The following SLC7A2 variants were observed in gnomAD, a reference collection of about 807,000 sequenced individuals.
The protein encoded by SLC7A2 is solute carrier family 7 member 2, also known as cationic amino acid transporter 2.
SLC7A2 carries 48 observed loss-of-function variants against 58.9 expected under a neutral mutation model. The observed-to-expected ratio is 0.82, with a 90% CI of 0.65 to 1.04. SLC7A2 has a LOEUF of 1.04. SLC7A2 is among the 50% of genes least tolerant of loss of function. The probability of loss-of-function intolerance (pLI) is 0.00; values close to 1 mark genes in which losing one functional copy is unlikely to be tolerated. For synonymous variants in SLC7A2, 363 were observed against 314.5 expected (o/e 1.15, Z -1.63); for missense variants, 1,029 against 818.8 (o/e 1.26, Z -3.13).
At chr8:17,526,481 A>G (rs1327505301) in intron 2 of SLC7A2, among the ~76,000 whole-genome samples, 1 of 151,366 alleles carries the variant, frequency 6.6e-6, no homozygotes, top group Non-Finnish European at 1.5e-5. Context: ...AGTTGGTGAG[A>G]GAGAACCTCA....
rs959188954 is a variant in SLC7A2, at chr8:17,567,701, A to G, written c.*2555A>G. ...AAAAATTGATGTTTGATGTTGATAG[A>G]TATGCTTATACCTAATTTTTAGTTT... On this transcript the variant is annotated 3_prime_UTR_variant, in exon 13 of 13. Coordinates refer to ENST00000494857, the MANE Select transcript of SLC7A2 (RefSeq NM_001370338.1). 3 of 152,406 alleles carry G rather than the reference A, an allele frequency of 2.0e-5. No individual in the cohort carries two copies. The highest frequency in any genetic ancestry group is 4.4e-5 in the Non-Finnish European group (3 of 68,046). 9.4% of individuals were successfully genotyped at this position (152,406 alleles called of 1,614,324 possible).
chr8:17,521,733 C>T (rs775184116), intron 2 of SLC7A2, among the ~76,000 whole-genome samples: 4 of 152,172 alleles, frequency 2.6e-5, no homozygotes, highest in East Asian at 1.9e-4. Flanking sequence ...TCTCAAGAGC[C>T]GAAGCCTTGA....
intron 2 of SLC7A2, among the ~76,000 whole-genome samples, chr8:17,526,918 G>C (rs1801243892): frequency 6.6e-6 from 1 of 152,142 alleles, no homozygotes; most frequent in Non-Finnish European, 1.5e-5. Flanking sequence ...GTGATAACCT[G>C]GGGATAAGTT....
upstream of SLC7A2, among the ~76,000 whole-genome samples, chr8:17,495,389 C>A (rs888108735): frequency 6.6e-6 from 1 of 152,182 alleles, no homozygotes; most frequent in African/African-American, 2.4e-5. Flanking sequence ...AAAGTCCACA[C>A]GCATCATTTC....
rs1256951525 is a variant in SLC7A2, at chr8:17,543,528, C to T, written c.189C>T (p.Asp63=). Residue 63 remains aspartate, a synonymous_variant, in exon 3 of 13, where the codon GAC becomes GAT. Coordinates refer to ENST00000494857, the MANE Select transcript of SLC7A2 (RefSeq NM_001370338.1). ...YVLAGEVAKA[D]SGPSIVVSFL... ...TCGCTGGGGAGGTGGCCAAGGCAGACTCGGGCCCCAGCATCGTGGTGTCCT... is the reference window on the plus strand; with the variant it reads ...TCGCTGGGGAGGTGGCCAAGGCAGATTCGGGCCCCAGCATCGTGGTGTCCT... 7 of 1,613,314 alleles carry T rather than the reference C, an allele frequency of 4.3e-6. No homozygotes were observed. Among genetic ancestry groups the T allele is most frequent in the African/African-American group, 1.3e-5 (1 of 74,886 alleles).
intron 4 of SLC7A2, 25 bp from the exon 5 acceptor site, chr8:17,548,653 A>C (rs1802291579): frequency 6.4e-7 from 1 of 1,570,910 alleles, no homozygotes; most frequent in East Asian, 2.3e-5. Context: ...AGCTAAATAA[A>C]AATTGAAATG....
intron 8 of SLC7A2, 160 bp downstream of exon 8, chr8:17,554,859 T>C (rs1802617751): frequency 1.3e-6 from 2 of 1,494,860 alleles, no homozygotes; most frequent in Non-Finnish European, 1.8e-6. Context: ...TTCTGCATTT[T>C]CGTGTGTCCA....
chr8:17,545,403 CT>C (rs386412194), intron 4 of SLC7A2, among the ~76,000 whole-genome samples: 8,070 of 64,486 alleles, frequency 0.13, 90 homozygotes, highest in African/African-American at 0.16. Flanking sequence ...TGAACATTTT[CT>C]TTTTTTTTTT....
intron 9 of SLC7A2, 38 bp from the exon 10 acceptor site, chr8:17,560,290 A>C: frequency 3.3e-6 from 5 of 1,523,876 alleles, no homozygotes; most frequent in Non-Finnish European, 4.6e-6. Context: ...CCAAATGTCT[A>C]TTTGAGAATA....
At position 17,563,583 on chromosome 8, in the gene SLC7A2, A is replaced by C. The variant is rs1803123083; in HGVS notation, c.1672-20A>C. 3 of 1,457,872 alleles carry C rather than the reference A, an allele frequency of 2.1e-6. No individual in the cohort carries two copies. Among genetic ancestry groups the C allele is most frequent in the South Asian group, 2.3e-5 (2 of 85,602 alleles). The allele number at this position is 1,457,872 out of a possible 1,614,324, so 90.3% of individuals were successfully genotyped here. ...GCTTCAAAATATGAGTATGTTCAAA[A>C]GGATTGTTTTCCCCCTCAGGTTCCA... On this transcript the variant is annotated intron_variant, in intron 11 of 12. Transcript: ENST00000494857.
chr8:17,514,294 G>T (rs919513201), intron 2 of SLC7A2, among the ~76,000 whole-genome samples: 3 of 151,402 alleles, frequency 2.0e-5, no homozygotes, highest in Admixed American at 6.6e-5. Flanking sequence ...CCCAAAACAC[G>T]CATTTGAGTT....
At chr8:17,545,229 A>T (rs371358159) in intron 4 of SLC7A2, among the ~76,000 whole-genome samples, 14 of 152,088 alleles carry the variant, frequency 9.2e-5, no homozygotes, top group African/African-American at 3.4e-4. Flanking sequence ...AACATAGAAC[A>T]ATTTATTTAA....
intron 9 of SLC7A2, among the ~76,000 whole-genome samples, chr8:17,559,755 C>G (rs1195137935): frequency 6.6e-6 from 1 of 152,086 alleles, no homozygotes; most frequent in African/African-American, 2.4e-5. Context: ...CACAGCCAAA[C>G]CATATCACGG....
At chr8:17,560,628 C>A (rs1247891833) in intron 10 of SLC7A2, 95 bp downstream of exon 10, 10 of 1,062,048 alleles carry the variant, frequency 9.4e-6, no homozygotes, top group Non-Finnish European at 1.4e-5. Context: ...CCTAACATTG[C>A]CCTAGAATAT....
At chr8:17,517,554 G>C (rs769597330) in intron 2 of SLC7A2, among the ~76,000 whole-genome samples, 5 of 151,614 alleles carry the variant, frequency 3.3e-5, no homozygotes, top group Non-Finnish European at 7.4e-5. Context: ...TAGCTTAGAG[G>C]TATAAGTTTT....
Position 17,565,163 on chromosome 8 carries a change from G to A in SLC7A2, c.*17G>A. The A allele has an allele frequency of 6.3e-7, 1 of 1,591,142 alleles. No individual in the cohort carries two copies. On this transcript the variant is annotated 3_prime_UTR_variant, in exon 13 of 13. Transcript: ENST00000494857. ...GAATTCTAACACTTGCAGGAGCAGAGCTGGTCATCGTCTTAGCATACATAT... is the reference window on the plus strand; with the variant it reads ...GAATTCTAACACTTGCAGGAGCAGAACTGGTCATCGTCTTAGCATACATAT...
intron 1 of SLC7A2, chr8:17,499,142 C>G (rs1467666332): frequency 6.6e-6 from 1 of 152,260 alleles, no homozygotes; most frequent in Non-Finnish European, 1.5e-5. Context: ...TGGCCAGACC[C>G]GGAGTCCCCG....
At chr8:17,538,855 GACAAACTA>G in intron 2 of SLC7A2, 1 of 1,613,754 alleles carries the variant, frequency 6.2e-7, no homozygotes. Context: ...TTATAACTCA[GACAAACTA>G]ATTTGTCGAG....
At chr8:17,543,251 A>C in intron 2 of SLC7A2, 67 bp from the exon 3 acceptor site, 1 of 1,418,824 alleles carries the variant, frequency 7.0e-7, no homozygotes, top group Non-Finnish European at 9.6e-7. Context: ...TTGTGCCTGG[A>C]AGCTAGGTTA....
Sources: gnomAD v4.1 joint callset for allele counts (sites outside exome capture counted in the v4.1 genomes callset) on GRCh38, gnomAD v4.1.1 for gene constraint, MANE v1.5 for transcripts, NCBI Gene and HGNC (gene_info 2026-07-23, HGNC 2026-07-21) for gene names.